The following ASIC2 variants were observed in gnomAD, a reference collection of about 807,000 sequenced individuals.
ASIC2 encodes the protein acid sensing ion channel subunit 2.
In ASIC2, 25 loss-of-function variants were observed where a neutral mutation model predicts 57.3. That is an observed-to-expected ratio of 0.44 (90% CI 0.32 to 0.61). The LOEUF is 0.61. Ranked by LOEUF, ASIC2 falls within the 20% of genes least tolerant of loss-of-function variation. ASIC2 has a pLI of 0.06. For synonymous variants in ASIC2, 319 were observed against 307.5 expected (o/e 1.04, Z -0.39); for missense variants, 641 against 738.1 (o/e 0.87, Z 1.52).
chr17:34,077,399 C>T (rs1160743341), intron 1 of ASIC2, among the ~76,000 whole-genome samples: 1 of 152,158 alleles, frequency 6.6e-6, no homozygotes, highest in East Asian at 1.9e-4. Flanking sequence ...AGAATGTTTG[C>T]CCACGTCATA....
rs529955210 is a variant in ASIC2, at chr17:33,289,198, T to C, written c.708+2210A>G. On this transcript the variant is annotated intron_variant, in intron 1 of 9. Transcript: ENST00000225823. ...ACATACCTTTGGGGAATGGAGGTAA[T>C]ACTTTTGCTTGGATGTGTGTGTGCC... Among the ~76,000 whole-genome samples the C allele has an allele frequency of 8.9e-4, 135 of 152,248 alleles. No homozygotes were observed. The South Asian group carries it at 0.01, about 11-fold the overall frequency.
intron 1 of ASIC2, among the ~76,000 whole-genome samples, chr17:33,319,315 C>T (rs537021298): frequency 1.3e-5 from 2 of 152,314 alleles, no homozygotes; most frequent in African/African-American, 4.8e-5. Context: ...GTGGCTCTTC[C>T]TGCTTCAAGG....
intron 9 of ASIC2, among the ~76,000 whole-genome samples, chr17:33,014,883 C>G (rs2091797622): frequency 1.3e-5 from 2 of 152,208 alleles, no homozygotes. Context: ...CCGGCAGGAT[C>G]TCACTGAACT....
chr17:33,321,077 G>A (rs935991183), intron 1 of ASIC2, among the ~76,000 whole-genome samples: 11 of 152,100 alleles, frequency 7.2e-5, no homozygotes, highest in Non-Finnish European at 1.5e-4. Flanking sequence ...ATCCACTTCC[G>A]TTGAATATAT....
intron 1 of ASIC2, among the ~76,000 whole-genome samples, chr17:33,712,767 T>A (rs1049639619): frequency 2.7e-4 from 38 of 143,174 alleles, no homozygotes; most frequent in African/African-American, 9.8e-4. Flanking sequence ...TGCCTCAGCC[T>A]CCCAAGTAGC....
At chr17:33,987,692 T>C (rs1000065966) in intron 1 of ASIC2, among the ~76,000 whole-genome samples, 1 of 152,072 alleles carries the variant, frequency 6.6e-6, no homozygotes, top group South Asian at 2.1e-4. Flanking sequence ...CAGAAAGCAT[T>C]TACTGAGGCA....
At chr17:33,500,706 C>T (rs1034365350) in intron 1 of ASIC2, among the ~76,000 whole-genome samples, 1 of 152,172 alleles carries the variant, frequency 6.6e-6, no homozygotes, top group Admixed American at 6.5e-5. Flanking sequence ...GAAACTTATC[C>T]GATGATAAAA....
chr17:33,457,128 A>G (rs1468385921), intron 1 of ASIC2, among the ~76,000 whole-genome samples: 1 of 152,238 alleles, frequency 6.6e-6, no homozygotes, highest in African/African-American at 2.4e-5. Flanking sequence ...ACAGGAGTAT[A>G]TAAAGTACTT....
At chr17:33,922,025 C>T (rs976240333) in intron 1 of ASIC2, among the ~76,000 whole-genome samples, 8 of 152,162 alleles carry the variant, frequency 5.3e-5, no homozygotes, top group Admixed American at 2.6e-4. Context: ...ATGCACCCCT[C>T]ATTGGTCCAG....
chr17:33,107,488 T>C (rs559063294), intron 2 of ASIC2, among the ~76,000 whole-genome samples: 41 of 152,322 alleles, frequency 2.7e-4, no homozygotes, highest in African/African-American at 6.5e-4. Context: ...TGATGTTCCA[T>C]AGGGCTCGTT....
intron 1 of ASIC2, among the ~76,000 whole-genome samples, chr17:33,962,065 G>A (rs149090205): frequency 3.7e-4 from 56 of 152,244 alleles, no homozygotes; most frequent in African/African-American, 1.3e-3. Context: ...CACACTTGCC[G>A]CCATGTGTTC....
At chr17:33,334,546 A>G (rs762834513) in intron 1 of ASIC2, among the ~76,000 whole-genome samples, 2 of 152,232 alleles carry the variant, frequency 1.3e-5, no homozygotes, top group Admixed American at 6.5e-5. Flanking sequence ...TGTCCCAAAG[A>G]GACCCTATCA....
At chr17:34,102,240 G>C (rs906860442) in intron 1 of ASIC2, among the ~76,000 whole-genome samples, 7 of 152,126 alleles carry the variant, frequency 4.6e-5, no homozygotes, top group African/African-American at 1.7e-4. Flanking sequence ...TGAGGCACTA[G>C]AATCGCCTGA....
At chr17:33,866,357 G>T (rs317334) in intron 1 of ASIC2, among the ~76,000 whole-genome samples, 103,904 of 151,944 alleles carry the variant, frequency 0.68, 36,572 homozygotes, top group Admixed American at 0.8. Flanking sequence ...AATTCATCGT[G>T]TGCTGAATTA....
At chr17:33,703,056 G>A (rs906412152) in intron 1 of ASIC2, among the ~76,000 whole-genome samples, 7 of 152,058 alleles carry the variant, frequency 4.6e-5, no homozygotes, top group African/African-American at 1.7e-4. Context: ...CTTTAAGAGG[G>A]GATATGAAGA....
chr17:34,130,005 T>A (rs1397264384), intron 1 of ASIC2, among the ~76,000 whole-genome samples: 1 of 151,968 alleles, frequency 6.6e-6, no homozygotes, highest in African/African-American at 2.4e-5. Context: ...GCCAGGTGAG[T>A]CCAATTAGAG....
chr17:33,579,801 A>T (rs879533712), intron 1 of ASIC2, among the ~76,000 whole-genome samples: 7 of 151,992 alleles, frequency 4.6e-5, no homozygotes, highest in Admixed American at 1.3e-4. Context: ...CACCGTGAAA[A>T]ACACCCCTTG....
chr17:33,129,387 G>A (rs891792222), intron 1 of ASIC2, among the ~76,000 whole-genome samples: 1 of 152,216 alleles, frequency 6.6e-6, no homozygotes, highest in Admixed American at 6.5e-5. Context: ...GAAAATAGCC[G>A]ATTTAGAGAG....
chr17:33,640,234 G>A (rs942966300), intron 1 of ASIC2, among the ~76,000 whole-genome samples: 5 of 152,148 alleles, frequency 3.3e-5, no homozygotes, highest in Admixed American at 2.6e-4. Flanking sequence ...GAGAAAAGCT[G>A]CCATGGGGGC....
Sources: allele counts gnomAD v4.1 joint callset (sites outside exome capture counted in the v4.1 genomes callset), GRCh38; gene constraint gnomAD v4.1.1; transcripts MANE v1.5; gene names NCBI Gene and HGNC (gene_info 2026-07-23, HGNC 2026-07-21).